SLC16A10: variants seen among roughly 807,000 people sequenced by gnomAD.
The protein encoded by SLC16A10 is monocarboxylate transporter 10.
A neutral mutation model predicts 40.0 loss-of-function variants in SLC16A10; 27 were observed. The ratio of observed to expected loss-of-function variants is 0.67; its 90% CI spans 0.50 to 0.93. SLC16A10 has a LOEUF of 0.93. Among genes scored for constraint, SLC16A10 ranks in the 40% least tolerant of loss-of-function variants. The pLI, the probability that SLC16A10 is intolerant of heterozygous loss-of-function variation, is 0.00. For synonymous variants in SLC16A10, 213 were observed against 249.8 expected (o/e 0.85, Z 1.39); for missense variants, 529 against 658.2 (o/e 0.80, Z 2.15).
chr6:111,121,402 T>C (rs1233585916), intron 1 of SLC16A10, among the ~76,000 whole-genome samples: 1 of 152,054 alleles, frequency 6.6e-6, no homozygotes, highest in Non-Finnish European at 1.5e-5. Flanking sequence ...CTCTACAAAA[T>C]ATATAAAAAT....
chr6:111,187,130 TACA>T (rs1401691007), intron 3 of SLC16A10, among the ~76,000 whole-genome samples: 2 of 152,194 alleles, frequency 1.3e-5, no homozygotes, highest in Non-Finnish European at 2.9e-5. Context: ...TTTAGACAAA[TACA>T]ACATTTATTT....
chr6:111,153,748 A>G (rs1200512898), intron 1 of SLC16A10, among the ~76,000 whole-genome samples: 1 of 152,232 alleles, frequency 6.6e-6, no homozygotes, highest in Non-Finnish European at 1.5e-5. Context: ...ATGAAACCGT[A>G]TATATAAAGT....
At chr6:111,104,816 T>G (rs1771252235) in intron 1 of SLC16A10, among the ~76,000 whole-genome samples, 1 of 152,084 alleles carries the variant, frequency 6.6e-6, no homozygotes, top group African/African-American at 2.4e-5. Flanking sequence ...TTTAGTTCAT[T>G]TCTACTGAAA....
chr6:111,179,525 G>A (rs1772751453), intron 3 of SLC16A10, among the ~76,000 whole-genome samples: 1 of 152,200 alleles, frequency 6.6e-6, no homozygotes, highest in Non-Finnish European at 1.5e-5. Context: ...ATTACCAAAT[G>A]TGTCCATCTT....
chr6:111,199,827 T>TA (rs35253168), intron 3 of SLC16A10, among the ~76,000 whole-genome samples: 5,687 of 148,884 alleles, frequency 0.038, 338 homozygotes, highest in African/African-American at 0.13. Context: ...CAGGGAAATT[T>TA]AAAAAAAAAA....
chr6:111,176,064 A>G (rs1433320899), intron 2 of SLC16A10, among the ~76,000 whole-genome samples: 1 of 152,170 alleles, frequency 6.6e-6, no homozygotes, highest in African/African-American at 2.4e-5. Context: ...TATGTTGGCT[A>G]AACAAAGAGT....
chr6:111,126,339 G>A (rs1367646637), intron 1 of SLC16A10, among the ~76,000 whole-genome samples: 1 of 152,036 alleles, frequency 6.6e-6, no homozygotes, highest in Non-Finnish European at 1.5e-5. Flanking sequence ...TTCACCAGGA[G>A]GTGTTTCTTG....
intron 3 of SLC16A10, among the ~76,000 whole-genome samples, chr6:111,197,311 C>T (rs971067783): frequency 9.9e-5 from 15 of 152,102 alleles, no homozygotes; most frequent in African/African-American, 3.6e-4. Context: ...TGGAAGGATC[C>T]ATTTTTCTTC....
chr6:111,193,303 C>T, intron 3 of SLC16A10: 1 of 985,792 alleles, frequency 1.0e-6, no homozygotes, highest in Non-Finnish European at 1.2e-6. Context: ...ATCTCAACAT[C>T]TGCTGCAATT....
chr6:111,198,588 T>C (rs1030144132), intron 3 of SLC16A10, among the ~76,000 whole-genome samples: 8 of 152,204 alleles, frequency 5.3e-5, no homozygotes, highest in African/African-American at 1.9e-4. Context: ...CACTGAATGC[T>C]GTAGGCAGTT....
At chr6:111,181,724 A>G (rs1424075762) in intron 3 of SLC16A10, among the ~76,000 whole-genome samples, 1 of 152,204 alleles carries the variant, frequency 6.6e-6, no homozygotes. Context: ...TTTCAAAGTG[A>G]GGTTGGAGGT....
At position 111,226,042 on chromosome 6, in the gene SLC16A10, T is replaced by G. The variant is rs1208332520; in HGVS notation, c.*3807T>G. ...AATGGCTTTCTCTCAGCCTTCGACT[T>G]AGTTCTAATGATCTACATTGAATTT... On this transcript the variant is annotated 3_prime_UTR_variant, in exon 6 of 6. Coordinates refer to ENST00000368851, the MANE Select transcript of SLC16A10 (RefSeq NM_018593.5). The G allele has an allele frequency of 1.3e-5, 2 of 152,222 alleles. No individual in the cohort carries two copies. The highest frequency in any genetic ancestry group is 2.9e-5 in the Non-Finnish European group (2 of 68,040). 9.4% of individuals were successfully genotyped at this position (152,222 alleles called of 1,614,324 possible).
At chr6:111,188,359 A>AGAATG (rs1334064392) in intron 3 of SLC16A10, among the ~76,000 whole-genome samples, 6 of 150,086 alleles carry the variant, frequency 4.0e-5, no homozygotes, top group Admixed American at 2.7e-4. Flanking sequence ...GCTACTTTGC[A>AGAATG]CAATGCTTTG....
At chr6:111,124,532 T>G (rs146343101) in intron 1 of SLC16A10, among the ~76,000 whole-genome samples, 4 of 152,068 alleles carry the variant, frequency 2.6e-5, no homozygotes, top group Middle Eastern at 3.2e-3. Flanking sequence ...CCAGCTAATT[T>G]TTGTATTTTT....
intron 1 of SLC16A10, among the ~76,000 whole-genome samples, chr6:111,164,275 A>T (rs1237447196): frequency 3.3e-5 from 5 of 152,214 alleles, no homozygotes; most frequent in Admixed American, 1.3e-4. Context: ...CTTGATGTAA[A>T]TCTGTTTTCA....
intron 4 of SLC16A10, among the ~76,000 whole-genome samples, chr6:111,209,269 G>T (rs1384149828): frequency 6.6e-6 from 1 of 152,128 alleles, no homozygotes; most frequent in Non-Finnish European, 1.5e-5. Flanking sequence ...AGTAGTCTAG[G>T]CATCTAGGCA....
intron 1 of SLC16A10, among the ~76,000 whole-genome samples, chr6:111,149,315 T>A (rs1386035818): frequency 6.6e-6 from 1 of 152,234 alleles, no homozygotes; most frequent in Non-Finnish European, 1.5e-5. Flanking sequence ...TCCAATCTAT[T>A]CCCAGGAATT....
chr6:111,217,749 C>G (rs1770792834), intron 4 of SLC16A10, among the ~76,000 whole-genome samples: 1 of 152,280 alleles, frequency 6.6e-6, no homozygotes, highest in Non-Finnish European at 1.5e-5. Flanking sequence ...CGTGCCCGGC[C>G]ATGAATGGTT....
intron 1 of SLC16A10, among the ~76,000 whole-genome samples, chr6:111,103,080 A>G (rs1161311718): frequency 6.6e-6 from 1 of 151,810 alleles, no homozygotes; most frequent in Admixed American, 6.6e-5. Context: ...TAATTTTCAT[A>G]TTTTTTGTAG....
Sources: allele counts gnomAD v4.1 joint callset (sites outside exome capture counted in the v4.1 genomes callset), GRCh38; gene constraint gnomAD v4.1.1; transcripts MANE v1.5; gene names NCBI Gene and HGNC (gene_info 2026-07-23, HGNC 2026-07-21).